Variants in HLA-B observed in about 807,000 individuals in gnomAD.
HLA-B encodes HLA class I antigen HLA-B.
A neutral mutation model predicts 41.5 loss-of-function variants in HLA-B; 31 were observed. The ratio of observed to expected loss-of-function variants is 0.75; its 90% CI spans 0.56 to 1.01. The LOEUF (loss-of-function observed/expected upper bound fraction) is 1.01, where lower values mean the gene tolerates loss of function less well. Among genes scored for constraint, HLA-B ranks in the 50% least tolerant of loss-of-function variants. The pLI, the probability that HLA-B is intolerant of heterozygous loss-of-function variation, is 0.00. For synonymous variants in HLA-B, 138 were observed against 189.0 expected (o/e 0.73, Z 2.21); for missense variants, 369 against 457.2 (o/e 0.81, Z 1.76).
At chr6:31,354,994 GC>G in intron 5 of HLA-B, 112 bp downstream of exon 5, 1 of 359,188 alleles carries the variant, frequency 2.8e-6, no homozygotes, top group Non-Finnish European at 4.5e-6. Flanking sequence ...GGCTGCGTTA[GC>G]CCCTGTGTGC....
In HLA-B at chr6:31,357,110, G is replaced by A; in HGVS notation, c.49C>T (p.Leu17=). The change falls in exon 1 of 8, where the codon CTG becomes TTG. Residue 17 remains leucine (L), a synonymous_variant. Coordinates refer to ENST00000412585, the MANE Select transcript of HLA-B (RefSeq NM_005514.8). ...RTVLLLLSAA[L]ALTETWAGSH... is the part of the protein sequence containing the mutation. ...CCGGCCCAGGTCTCGGTCAGGGCCA[G>A]GGCCGCCGAGAGCAGCAGGAGGACG... 1 of 861,086 alleles carries A rather than the reference G, an allele frequency of 1.2e-6. No individual in the cohort carries two copies. Among genetic ancestry groups the A allele is most frequent in the South Asian group, 2.8e-5 (1 of 35,288 alleles). The allele number at this position is 861,086 out of a possible 1,614,324, so 53.3% of individuals were successfully genotyped here. A position where few individuals can be genotyped will look rare whatever the true frequency, so the allele number is the denominator to read the frequency against.
At position 31,355,935 on chromosome 6, in the gene HLA-B, C is replaced by A. The variant is rs41547715; in HGVS notation, c.619+232G>T. 217 of 531,318 alleles carry A rather than the reference C, an allele frequency of 4.1e-4. 1 individual carries two copies. In the Middle Eastern group the frequency reaches 4.6e-3, roughly 11 times the overall value. 32.9% of individuals were successfully genotyped at this position (531,318 alleles called of 1,614,324 possible). On this transcript the variant is annotated intron_variant, in intron 3 of 7. Transcript: ENST00000412585. ...GGCTGCTGCAGGGGTCAAAGGGGAC[C>A]CCTGATCAGTATTCTAGGGACTGTC...
Position 31,355,206 on chromosome 6 carries a change from T to C in HLA-B, c.913A>G (p.Thr305Ala). ...TLRWEPSSQSTVPIVGIVAGL... is the reference protein window; with the variant it reads ...TLRWEPSSQSAVPIVGIVAGL... ...GCAACAATGCCCACGATGGGGACGG[T>C]GGACTGGGAAGACGGCTCTGGGAAA... The change falls in exon 5 of 8, where the codon ACC becomes GCC. Residue 305 changes from threonine (T) to alanine (A), a missense_variant. Transcript: ENST00000412585. 2 of 1,157,222 alleles carry C rather than the reference T, an allele frequency of 1.7e-6. No individual in the cohort carries two copies. The highest frequency in any genetic ancestry group is 2.2e-6 in the Non-Finnish European group (2 of 921,166). The allele number at this position is 1,157,222 out of a possible 1,614,324, so 71.7% of individuals were successfully genotyped here. A position where few individuals can be genotyped will look rare whatever the true frequency, so the allele number is the denominator to read the frequency against.
chr6:31,354,779 C>G lies in HLA-B; in HGVS notation c.1013-114G>C, dbSNP rs1158171906. ...AATTTCCAGAAGTATGACTACAGAC[C>G]CAGGGCAGGATCAGGAAACACGAGG... On this transcript the variant is annotated intron_variant, in intron 5 of 7. Coordinates refer to ENST00000412585, the MANE Select transcript of HLA-B (RefSeq NM_005514.8). 1.3e-5 allele frequency: 7 copies of G among 552,174 alleles called. 2 individuals carry two copies. Among genetic ancestry groups the G allele is most frequent in the Non-Finnish European group, 2.0e-5 (7 of 342,596 alleles). The allele number at this position is 552,174 out of a possible 1,614,324, so 34.2% of individuals were successfully genotyped here.
In HLA-B at chr6:31,354,088, A is replaced by AC; in HGVS notation, c.*212dup. The AC allele has an allele frequency of 2.2e-6, 1 of 447,544 alleles. No individual in the cohort carries two copies. The highest frequency in any genetic ancestry group is 2.3e-5 in the South Asian group (1 of 42,922). 27.7% of individuals were successfully genotyped at this position (447,544 alleles called of 1,614,324 possible). A position where few individuals can be genotyped will look rare whatever the true frequency, so the allele number is the denominator to read the frequency against. On this transcript the variant is annotated 3_prime_UTR_variant, in exon 8 of 8. Coordinates refer to ENST00000412585, the MANE Select transcript of HLA-B (RefSeq NM_005514.8). ...CCACCTCTCTGGAACAAGAAAGATG[A>AC]CTGGGGAGGAAACACAGGTCAGCAT...
chr6:31,357,179 T>C lies in HLA-B; in HGVS notation c.-21A>G, dbSNP rs1396816866. The stretch of plus-strand genomic sequence containing the variant: ...AGCATCTCGGCGTCTGAGGAGACTC[T>C]GAGTCCGGGTGGGTGCGTGGGGACT... On this transcript the variant is annotated 5_prime_UTR_variant, in exon 1 of 8. Transcript: ENST00000412585. 22 of 839,780 alleles carry C rather than the reference T, an allele frequency of 2.6e-5. 1 individual carries two copies. The African/African-American group carries it at 2.8e-4, about 11-fold the overall frequency. 52.0% of individuals were successfully genotyped at this position (839,780 alleles called of 1,614,324 possible). A position where few individuals can be genotyped will look rare whatever the true frequency, so the allele number is the denominator to read the frequency against.
rs1766844490 is a variant in HLA-B, at chr6:31,355,367, G to A, written c.845C>T (p.Thr282Ile). 2 of 1,587,758 alleles carry A rather than the reference G, an allele frequency of 1.3e-6. No individual in the cohort carries two copies. The highest frequency in any genetic ancestry group is 8.5e-7 in the Non-Finnish European group (1 of 1,172,920). The change falls in exon 4 of 8, where the codon ACA (threonine) becomes ATA (isoleucine). Residue 282 changes from threonine to isoleucine, a missense_variant. By Grantham distance (89) the Thr-to-Ile change is moderately conservative. Coordinates refer to ENST00000412585, the MANE Select transcript of HLA-B (RefSeq NM_005514.8). ...VVPSGEEQRY[T>I]CHVQHEGLPK... ...CAGCCCCTCATGCTGTACATGGCAT[G>A]TGTATCTCTGCTCTTCTCCAGAAGG...
chr6:31,355,078 C>A, intron 5 of HLA-B, 29 bp downstream of exon 5: 1 of 811,478 alleles, frequency 1.2e-6, no homozygotes, highest in South Asian at 2.2e-5. Context: ...ACAAGAAAAC[C>A]CAGACCCCAC....
rs1178701414 is a variant in HLA-B at position 31,355,299 on chromosome 6, C to T, written c.895+18G>A. On this transcript the variant is annotated intron_variant, in intron 4 of 7. Transcript: ENST00000412585. ...GCTTTCCCTGAGAAGAGATATGACC[C>T]CTCATCCCCCTCCTTACCCCATCTC... The T allele has an allele frequency of 3.3e-6, 5 of 1,505,672 alleles. No individual in the cohort carries two copies. In the African/African-American group the frequency reaches 7.5e-5, roughly 23 times the overall value. The allele number at this position is 1,505,672 out of a possible 1,614,324, so 93.3% of individuals were successfully genotyped here.
intron 7 of HLA-B, 51 bp downstream of exon 7, chr6:31,354,428 A>ACCCCCCCCCCCCC: frequency 5.2e-5 from 8 of 153,852 alleles, no homozygotes; most frequent in South Asian, 2.1e-4. Flanking sequence ...CCTCTGCCCC[A>ACCCCCCCCCCCCC]CCCACCCCCA....
At chr6:31,355,835 G>T (rs1406769881) in intron 3 of HLA-B, 2 of 661,788 alleles carry the variant, frequency 3.0e-6, no homozygotes, top group Non-Finnish European at 5.5e-6. Context: ...ACTCAGAAGT[G>T]CTGGAATCAG....
At chr6:31,355,650 AC>A in intron 3 of HLA-B, 58 bp from the exon 4 acceptor site, 1 of 1,182,276 alleles carries the variant, frequency 8.5e-7, no homozygotes, top group Non-Finnish European at 1.2e-6. Flanking sequence ...ACACCCTAGG[AC>A]CACCCATGTG....
In HLA-B at chr6:31,355,171, A is replaced by G; in HGVS notation, c.948T>C (p.Ala316=). Residue 316 remains alanine, a synonymous_variant, in exon 5 of 8, where the codon GCT becomes GCC. Transcript: ENST00000412585. The part of the protein sequence containing the change: ...VPIVGIVAGL[A]VLAVVVIGAV... ...CTCCGATGACCACAACTGCTAGGAC[A>G]GCCAGGCCAGCAACAATGCCCACGA... is the stretch of plus-strand genomic sequence containing the variant. 8.1e-7 allele frequency: 1 copy of G among 1,238,110 alleles called. No individual in the cohort carries two copies. The highest frequency in any genetic ancestry group is 1.0e-6 in the Non-Finnish European group (1 of 978,808). 76.7% of individuals were successfully genotyped at this position (1,238,110 alleles called of 1,614,324 possible).
At position 31,354,144 on chromosome 6, in the gene HLA-B, G is replaced by A. The variant is rs1181218148; in HGVS notation, c.*157C>T. 1.0e-5 allele frequency: 5 copies of A among 496,248 alleles called. No homozygotes were observed. The highest frequency in any genetic ancestry group is 2.0e-5 in the Non-Finnish European group (5 of 254,352). 30.7% of individuals were successfully genotyped at this position (496,248 alleles called of 1,614,324 possible). A position where few individuals can be genotyped will look rare whatever the true frequency, so the allele number is the denominator to read the frequency against. ...CAGGGGTCACAGTGGACACAAGGGT[G>A]GGCTGTCTCTCCACCTCCTCACATT... On this transcript the variant is annotated 3_prime_UTR_variant, in exon 8 of 8. Transcript: ENST00000412585.
Position 31,354,508 on chromosome 6 carries a change from C to T in HLA-B, c.1064G>A (p.Gly355Asp). The change falls in exon 7 of 8, where the codon GGC becomes GAC. Residue 355 changes from glycine (G) to aspartate (D), a missense_variant. Gly to Asp is a moderately conservative substitution (Grantham distance 94). Transcript: ENST00000412585. ...SQAACSDSAQ[G>D]SDVSLTA The stretch of plus-strand genomic sequence containing the variant: ...TCAAGCTGTGAGAGACACATCAGAG[C>T]CCTGGGCACTGTCGCTGCCTGGAGT... 2 of 1,336,536 alleles carry T rather than the reference C, an allele frequency of 1.5e-6. No homozygotes were observed. The highest frequency in any genetic ancestry group is 2.0e-6 in the Non-Finnish European group (2 of 1,019,184). The allele number at this position is 1,336,536 out of a possible 1,614,324, so 82.8% of individuals were successfully genotyped here. A position where few individuals can be genotyped will look rare whatever the true frequency, so the allele number is the denominator to read the frequency against.
In HLA-B at chr6:31,356,759, T is replaced by C. The variant is rs1071816; in HGVS notation, c.272A>G (p.Tyr91Cys). The change falls in exon 2 of 8, where the codon TAC becomes TGC. Residue 91 changes from tyrosine to cysteine, a missense_variant. Physicochemically the swap from Tyr to Cys is radical, Grantham distance 194 (BLOSUM62 -2). This residue lies in a region of HLA-B where 113 missense variants were observed against 173.2 expected (regional missense o/e 0.65). Coordinates refer to ENST00000412585, the MANE Select transcript of HLA-B (RefSeq NM_005514.8). Reference protein sequence around the residue: ...PEYWDRNTQIYKAQAQTDRES... With the variant: ...PEYWDRNTQICKAQAQTDRES... ...TCGGTCAGTCTGTGCCTGGGCCTTG[T>C]AGATCTGTGTGTTCCGGTCCCAATA... 0.12 allele frequency: 121,412 copies of C among 1,011,220 alleles called. 29,484 individuals are homozygous for C. Among genetic ancestry groups the C allele is most frequent in the Admixed American group, 0.26 (8,972 of 34,674 alleles). 62.6% of individuals were successfully genotyped at this position (1,011,220 alleles called of 1,614,324 possible).
In HLA-B at chr6:31,354,571, C is replaced by T. The variant is rs556806111; in HGVS notation, c.1046-45G>A. The T allele has an allele frequency of 6.6e-5, 95 of 1,442,896 alleles. 2 individuals carry two copies. The highest frequency in any genetic ancestry group is 1.7e-4 in the African/African-American group (9 of 52,556). The allele number at this position is 1,442,896 out of a possible 1,614,324, so 89.4% of individuals were successfully genotyped here. A position where few individuals can be genotyped will look rare whatever the true frequency, so the allele number is the denominator to read the frequency against. ...GGACCTGGTCAGAGCCCGCAGGAGA[C>T]GTGGGACAGGAGGAATTATGGGGTG... On this transcript the variant is annotated intron_variant, in intron 6 of 7. Coordinates refer to ENST00000412585, the MANE Select transcript of HLA-B (RefSeq NM_005514.8).
rs151341257 is a variant in HLA-B at position 31,356,299 on chromosome 6, C to G, written c.487G>C (p.Ala163Pro). Reference protein sequence around the residue: ...DLRSWTAADTAAQITQRKWEA... With the variant: ...DLRSWTAADTPAQITQRKWEA... ...CACTTGCGCTGGGTGATCTGAGCCG[C>G]CGTGTCCGCGGCGGTCCAGGAGCGC... The change falls in exon 3 of 8, where the codon GCG (alanine) becomes CCG (proline). Residue 163 changes from alanine (A) to proline (P), a missense_variant. Ala to Pro is a conservative substitution (Grantham distance 27). Transcript: ENST00000412585. The G allele has an allele frequency of 7.3e-7, 1 of 1,371,580 alleles. No homozygotes were observed. Among genetic ancestry groups the G allele is most frequent in the South Asian group, 1.2e-5 (1 of 82,692 alleles). 85.0% of individuals were successfully genotyped at this position (1,371,580 alleles called of 1,614,324 possible).
At chr6:31,354,437 C>CCAA in intron 7 of HLA-B, 42 bp downstream of exon 7, 2 of 338,882 alleles carry the variant, frequency 5.9e-6, no homozygotes, top group Non-Finnish European at 9.2e-6. Context: ...CACCCACCCC[C>CCAA]AGACCCGCCA....
Sources: gnomAD v4.1 joint callset for allele counts on GRCh38, gnomAD v4.1.1 for gene constraint, gnomAD v4.1.1 regional missense constraint, MANE v1.5 for transcripts, NCBI Gene and HGNC (gene_info 2026-07-23, HGNC 2026-07-21) for gene names.